FRAS1: variants seen among roughly 807,000 people sequenced by gnomAD.
FRAS1 encodes extracellular matrix organizing protein FRAS1.
A neutral mutation model predicts 435.2 loss-of-function variants in FRAS1; 290 were observed. That is an observed-to-expected ratio of 0.67 (90% CI 0.61 to 0.73). FRAS1 has a LOEUF of 0.73. Ranked by LOEUF, FRAS1 falls within the 30% of genes least tolerant of loss-of-function variation. The pLI is 0.00. For synonymous variants in FRAS1, 1,800 were observed against 1,851.0 expected (o/e 0.97, Z 0.71); for missense variants, 4,860 against 5,001.5 (o/e 0.97, Z 0.85).
intron 50 of FRAS1, among the ~76,000 whole-genome samples, chr4:78,469,087 C>T (rs12639734): frequency 0.33 from 49,667 of 151,994 alleles, 8,831 homozygotes; most frequent in Admixed American, 0.41. Context: ...TGTAGCTGCT[C>T]CCCAGTTAGT....
chr4:78,178,006 C>A (rs1026364133), intron 2 of FRAS1, among the ~76,000 whole-genome samples: 1 of 152,112 alleles, frequency 6.6e-6, no homozygotes, highest in African/African-American at 2.4e-5. Flanking sequence ...TCTCTGGAGG[C>A]CACAGTCTGA....
At chr4:78,171,227 A>G (rs1721540648) in intron 2 of FRAS1, among the ~76,000 whole-genome samples, 1 of 152,022 alleles carries the variant, frequency 6.6e-6, no homozygotes, top group Non-Finnish European at 1.5e-5. Flanking sequence ...GCAATTTCAC[A>G]TCAATTCTGC....
chr4:78,243,865 T>C (rs918996330), intron 3 of FRAS1, among the ~76,000 whole-genome samples: 2 of 152,138 alleles, frequency 1.3e-5, no homozygotes, highest in African/African-American at 4.8e-5. Context: ...CATGTTAGAC[T>C]ATCAACACTT....
In FRAS1 at chr4:78,363,556, C is replaced by T; in HGVS notation, c.2466C>T (p.Asn822=). 2 of 1,613,454 alleles carry T rather than the reference C, an allele frequency of 1.2e-6. No homozygotes were observed. Among genetic ancestry groups the T allele is most frequent in the Non-Finnish European group, 1.7e-6 (2 of 1,179,704 alleles). Residue 822 remains asparagine, a synonymous_variant, in exon 21 of 74, where the codon AAC becomes AAT. Transcript: ENST00000512123. ...LCQHCAADLH[N]TGSICLRCQN... is the part of the protein sequence containing the mutation. ...AGCACTGTGCAGCTGATCTCCACAACACTGGGAGCATCTGCCTCAGGTGCC... is the reference window on the plus strand; with the variant it reads ...AGCACTGTGCAGCTGATCTCCACAATACTGGGAGCATCTGCCTCAGGTGCC...
chr4:78,530,272 A>G (rs1346106786), intron 70 of FRAS1, among the ~76,000 whole-genome samples: 2 of 152,114 alleles, frequency 1.3e-5, no homozygotes, highest in African/African-American at 2.4e-5. Context: ...GGACACCAAC[A>G]CTGTCCTCAG....
At chr4:78,326,197 A>C (rs559858474) in intron 18 of FRAS1, among the ~76,000 whole-genome samples, 75 of 152,302 alleles carry the variant, frequency 4.9e-4, no homozygotes, top group Non-Finnish European at 6.5e-4. Context: ...GAAACAGGGT[A>C]GGGCTGGTTA....
At chr4:78,065,081 T>TATATATATATACACACAC (rs762909923) in intron 1 of FRAS1, among the ~76,000 whole-genome samples, 183 of 125,668 alleles carry the variant, frequency 1.5e-3, no homozygotes, top group Middle Eastern at 8.7e-3. Flanking sequence ...TATATATATA[T>TATATATATATACACACAC]ATACATACAC....
rs373828330 is a variant in FRAS1 at position 78,466,396 on chromosome 4, G to C, written c.7218G>C (p.Gly2406=). ...KDRFTFTVSD[G]TNPFFIIEEG... ...GGTTCACCTTCACTGTTTCTGATGG[G>C]ACAAACCCCTTCTTTATCATTGAGG... Residue 2406 remains glycine, a synonymous_variant, in exon 50 of 74, where the codon GGG becomes GGC. Coordinates refer to ENST00000512123, the MANE Select transcript of FRAS1 (RefSeq NM_025074.7). 1 of 1,613,904 alleles carries C rather than the reference G, an allele frequency of 6.2e-7. No homozygotes were observed. The highest frequency in any genetic ancestry group is 8.5e-7 in the Non-Finnish European group (1 of 1,179,834).
At chr4:78,324,576 A>G (rs537850477) in intron 18 of FRAS1, among the ~76,000 whole-genome samples, 1 of 152,302 alleles carries the variant, frequency 6.6e-6, no homozygotes, top group African/African-American at 2.4e-5. Context: ...CTCCTACTTT[A>G]TAGATGAAAA....
chr4:78,118,020 C>T (rs1482084641), intron 2 of FRAS1, among the ~76,000 whole-genome samples: 1 of 152,174 alleles, frequency 6.6e-6, no homozygotes, highest in Non-Finnish European at 1.5e-5. Context: ...TGTGGATGTC[C>T]TTTCTGTTTG....
intron 50 of FRAS1, 25 bp from the exon 51 acceptor site, chr4:78,469,952 GT>G: frequency 6.4e-7 from 1 of 1,557,220 alleles, no homozygotes; most frequent in Non-Finnish European, 8.8e-7. Flanking sequence ...TGAATGATGA[GT>G]TTTCTTTTCT....
intron 32 of FRAS1, among the ~76,000 whole-genome samples, chr4:78,418,661 A>G (rs1222285840): frequency 1.3e-5 from 2 of 152,228 alleles, no homozygotes; most frequent in Admixed American, 6.5e-5. Context: ...GAAAAAAGTA[A>G]TAGCAGAATC....
At chr4:78,170,688 A>C (rs1170617771) in intron 2 of FRAS1, among the ~76,000 whole-genome samples, 1 of 152,092 alleles carries the variant, frequency 6.6e-6, no homozygotes, top group Admixed American at 6.5e-5. Flanking sequence ...GAACACTCTC[A>C]TTGTCGTTTT....
At chr4:78,458,831 T>C (rs1719283998) in intron 47 of FRAS1, among the ~76,000 whole-genome samples, 1 of 152,324 alleles carries the variant, frequency 6.6e-6, no homozygotes, top group South Asian at 2.1e-4. Flanking sequence ...GAGGGAGCTG[T>C]GACTGTTCCA....
intron 50 of FRAS1, among the ~76,000 whole-genome samples, chr4:78,467,084 A>G (rs911749508): frequency 6.6e-6 from 1 of 152,200 alleles, no homozygotes; most frequent in East Asian, 1.9e-4. Flanking sequence ...GTTACAAACA[A>G]TCCAGTTATT....
chr4:78,213,296 G>A (rs1036820315), intron 2 of FRAS1, among the ~76,000 whole-genome samples: 1 of 152,244 alleles, frequency 6.6e-6, no homozygotes, highest in African/African-American at 2.4e-5. Context: ...CATTGCAAGG[G>A]AAAGGGCAGA....
At position 78,379,495 on chromosome 4, in the gene FRAS1, G is replaced by A. The variant is rs1487174825; in HGVS notation, c.3293-231G>A. 23 of 494,288 alleles carry A rather than the reference G, an allele frequency of 4.7e-5. No homozygotes were observed. In the Admixed American group the frequency reaches 8.3e-4, roughly 18 times the overall value. 30.6% of individuals were successfully genotyped at this position (494,288 alleles called of 1,614,324 possible). A position where few individuals can be genotyped will look rare whatever the true frequency, so the allele number is the denominator to read the frequency against. ...AAAGAGACATCATGTGTATTCTTCA[G>A]GAATACCGAAGTTCCCTAGAGCGAG... On this transcript the variant is annotated intron_variant, in intron 26 of 73. Transcript: ENST00000512123.
intron 29 of FRAS1, among the ~76,000 whole-genome samples, chr4:78,397,835 CT>C (rs1303159948): frequency 3.3e-5 from 5 of 152,338 alleles, no homozygotes; most frequent in Middle Eastern, 3.4e-3. Flanking sequence ...TTCAATCTTA[CT>C]TTCCTCTGTA....
chr4:78,253,938 A>T (rs1015455678), intron 5 of FRAS1, among the ~76,000 whole-genome samples: 2 of 152,180 alleles, frequency 1.3e-5, no homozygotes, highest in African/African-American at 4.8e-5. Context: ...GAGATGACAT[A>T]ACATCTTTCT....
Sources: allele counts gnomAD v4.1 joint callset (sites outside exome capture counted in the v4.1 genomes callset), GRCh38; gene constraint gnomAD v4.1.1; transcripts MANE v1.5; gene names NCBI Gene and HGNC (gene_info 2026-07-23, HGNC 2026-07-21).